The following SLC25A17 variants were observed in gnomAD, a reference collection of about 807,000 sequenced individuals.
SLC25A17 encodes solute carrier family 25 member 17.
Under a neutral mutation model 38.5 loss-of-function variants are expected in SLC25A17, and 26 were observed. The observed-to-expected ratio is 0.68, with a 90% CI of 0.50 to 0.94. SLC25A17 has a LOEUF of 0.94. Ranked by LOEUF, SLC25A17 falls within the 40% of genes least tolerant of loss-of-function variation. SLC25A17 has a pLI of 0.00. For synonymous variants in SLC25A17, 139 were observed against 136.2 expected (o/e 1.02, Z -0.14); for missense variants, 333 against 372.7 (o/e 0.89, Z 0.88).
chr22:40,801,130 TATATATATATATA>T (rs1569410145), intron 1 of SLC25A17, among the ~76,000 whole-genome samples: 57 of 19,380 alleles, frequency 2.9e-3, no homozygotes, highest in African/African-American at 0.01. Flanking sequence ...ATATATTACA[TATATATATATATA>T]TATATATATA....
At chr22:40,808,826 C>T (rs138751962) in intron 1 of SLC25A17, among the ~76,000 whole-genome samples, 3 of 152,326 alleles carry the variant, frequency 2.0e-5, no homozygotes, top group African/African-American at 7.2e-5. Context: ...GGATTAAAAA[C>T]CTTTTCATAA....
At chr22:40,815,297 G>T (rs1272396290) in intron 1 of SLC25A17, among the ~76,000 whole-genome samples, 1 of 152,160 alleles carries the variant, frequency 6.6e-6, no homozygotes, top group African/African-American at 2.4e-5. Flanking sequence ...GAAAATTACT[G>T]GAGCAAAGTC....
intron 4 of SLC25A17, among the ~76,000 whole-genome samples, chr22:40,787,885 T>C (rs2057352447): frequency 6.6e-6 from 1 of 152,142 alleles, no homozygotes; most frequent in South Asian, 2.1e-4. Flanking sequence ...TCTTTGTAGG[T>C]TTATGATAAA....
intron 2 of SLC25A17, among the ~76,000 whole-genome samples, chr22:40,795,653 T>C (rs1264227721): frequency 6.6e-6 from 1 of 152,226 alleles, no homozygotes; most frequent in Non-Finnish European, 1.5e-5. Context: ...TTAATGTATA[T>C]ATTTTCTCAT....
At chr22:40,798,208 C>T (rs1056834982) in intron 2 of SLC25A17, 6 of 152,350 alleles carry the variant, frequency 3.9e-5, no homozygotes, top group African/African-American at 1.4e-4. Context: ...TGGTCTTGAT[C>T]TTTGCCTGTC....
chr22:40,819,290 A>G lies in SLC25A17; in HGVS notation c.-42T>C. On this transcript the variant is annotated 5_prime_UTR_variant, in exon 1 of 9. Coordinates refer to ENST00000435456, the MANE Select transcript of SLC25A17 (RefSeq NM_006358.4). ...AGACCCAGCCACACTTTTCCCACAG[A>G]TGCCGCAGCCAGTGGAGTTAGGAAA... The G allele has an allele frequency of 1.2e-6, 2 of 1,609,428 alleles. No individual in the cohort carries two copies. Among genetic ancestry groups the G allele is most frequent in the East Asian group, 4.5e-5 (2 of 44,770 alleles).
At chr22:40,771,444 T>G (rs2057182501) in intron 8 of SLC25A17, among the ~76,000 whole-genome samples, 4 of 152,246 alleles carry the variant, frequency 2.6e-5, no homozygotes, top group African/African-American at 9.6e-5. Context: ...TGTCTTAAAT[T>G]TGGAAGCAAG....
At chr22:40,795,625 C>T (rs1445429527) in intron 2 of SLC25A17, among the ~76,000 whole-genome samples, 1 of 152,030 alleles carries the variant, frequency 6.6e-6, no homozygotes, top group Non-Finnish European at 1.5e-5. Context: ...TTTCATAAAG[C>T]TCTCTTGTTT....
chr22:40,797,290 C>G, intron 2 of SLC25A17: 1 of 1,294,714 alleles, frequency 7.7e-7, no homozygotes, highest in Non-Finnish European at 1.0e-6. Context: ...TTACTCATCT[C>G]TTCATGCAAG....
intron 1 of SLC25A17, among the ~76,000 whole-genome samples, chr22:40,808,666 T>C (rs1037667214): frequency 3.3e-5 from 5 of 152,246 alleles, no homozygotes; most frequent in Admixed American, 1.3e-4. Flanking sequence ...TAAAGAAGCA[T>C]GTGTTAAACA....
intron 4 of SLC25A17, 111 bp downstream of exon 4, chr22:40,792,414 G>T: frequency 2.4e-6 from 2 of 847,446 alleles, no homozygotes; most frequent in African/African-American, 1.7e-5. Context: ...AACCAAGTTG[G>T]AAAACTGGCT....
intron 4 of SLC25A17, among the ~76,000 whole-genome samples, chr22:40,790,699 G>C (rs965843872): frequency 6.6e-6 from 1 of 152,114 alleles, no homozygotes; most frequent in Non-Finnish European, 1.5e-5. Context: ...CAAATAAACC[G>C]CTTTGGACAA....
intron 4 of SLC25A17, 74 bp from the exon 5 acceptor site, chr22:40,779,199 A>G: frequency 6.2e-7 from 1 of 1,609,280 alleles, no homozygotes; most frequent in Non-Finnish European, 8.5e-7. Flanking sequence ...TTAAAGCTAC[A>G]TACCAATATT....
At chr22:40,801,241 A>G (rs2057481714) in intron 1 of SLC25A17, among the ~76,000 whole-genome samples, 1 of 149,542 alleles carries the variant, frequency 6.7e-6, no homozygotes. Context: ...CAATTTAAAT[A>G]GGTCAGCCTC....
chr22:40,781,355 C>G (rs1469061819), intron 4 of SLC25A17, among the ~76,000 whole-genome samples: 2 of 151,904 alleles, frequency 1.3e-5, no homozygotes, highest in Non-Finnish European at 2.9e-5. Context: ...ACACCATTCT[C>G]CTGCCTCAGC....
At chr22:40,792,727 T>G (rs1366024838) in intron 3 of SLC25A17, 51 bp from the exon 4 acceptor site, 1 of 1,594,982 alleles carries the variant, frequency 6.3e-7, no homozygotes, top group East Asian at 2.2e-5. Context: ...AAATTAGAAA[T>G]TGGCAGAGAA....
chr22:40,781,723 T>A (rs1298230706), intron 4 of SLC25A17, among the ~76,000 whole-genome samples: 1 of 152,186 alleles, frequency 6.6e-6, no homozygotes, highest in Non-Finnish European at 1.5e-5. Flanking sequence ...TTAACCAGTA[T>A]AATTTTATGA....
intron 4 of SLC25A17, among the ~76,000 whole-genome samples, chr22:40,781,085 C>G (rs867925761): frequency 3.9e-5 from 6 of 152,000 alleles, no homozygotes; most frequent in Admixed American, 3.9e-4. Flanking sequence ...GTGGGAAGAT[C>G]GCTTCAGCCC....
In SLC25A17 at chr22:40,803,474, C is replaced by T. The variant is rs144135857; in HGVS notation, c.55-4391G>A. On this transcript the variant is annotated intron_variant, in intron 1 of 8. Coordinates refer to ENST00000435456, the MANE Select transcript of SLC25A17 (RefSeq NM_006358.4). ...TTGTCCAGGTTCATCCATGTCACCACAAATGGCAGGATTTCATTCTGTTTT... is the reference window on the plus strand; with the variant it reads ...TTGTCCAGGTTCATCCATGTCACCATAAATGGCAGGATTTCATTCTGTTTT... Among the ~76,000 whole-genome samples the T allele has an allele frequency of 1.2e-3, 187 of 152,346 alleles. 1 individual carries two copies. The highest frequency in any genetic ancestry group is 4.4e-3 in the African/African-American group (183 of 41,588).
Sources: allele counts gnomAD v4.1 joint callset (sites outside exome capture counted in the v4.1 genomes callset), GRCh38; gene constraint gnomAD v4.1.1; transcripts MANE v1.5; gene names NCBI Gene and HGNC (gene_info 2026-07-23, HGNC 2026-07-21).